Variants in NTM observed in about 807,000 individuals in gnomAD.
NTM encodes IgLON family member 2.
In NTM, 13 loss-of-function variants were observed where a neutral mutation model predicts 42.1. That is an observed-to-expected ratio of 0.31 (90% CI 0.20 to 0.49). The LOEUF (loss-of-function observed/expected upper bound fraction) is 0.49, where lower values mean the gene tolerates loss of function less well. Among genes scored for constraint, NTM ranks in the 20% least tolerant of loss-of-function variants. NTM has a pLI of 0.99. For synonymous variants in NTM, 187 were observed against 179.2 expected, an observed-to-expected ratio of 1.04 and a Z score of -0.35; for missense variants, 373 against 452.8, an observed-to-expected ratio of 0.82 and a Z score of 1.60.
chr11:131,989,916 G>A (rs960809982), intron 2 of NTM, among the ~76,000 whole-genome samples: 52 of 152,070 alleles, frequency 3.4e-4, no homozygotes, highest in African/African-American at 1.2e-3. Flanking sequence ...ATTGGCTCAA[G>A]CAAATCAAAT....
chr11:131,407,623 T>C (rs959889061), intron 1 of NTM, among the ~76,000 whole-genome samples: 3 of 152,224 alleles, frequency 2.0e-5, no homozygotes, highest in Non-Finnish European at 4.4e-5. Flanking sequence ...CCTTGCACTC[T>C]ATTTGGGCTT....
chr11:131,673,960 T>A (rs1048022270), intron 1 of NTM, among the ~76,000 whole-genome samples: 3 of 152,212 alleles, frequency 2.0e-5, no homozygotes, highest in African/African-American at 7.2e-5. Flanking sequence ...GGTAGGGAGA[T>A]GATGGCAACT....
intron 4 of NTM, among the ~76,000 whole-genome samples, chr11:132,220,257 C>T (rs1170205484): frequency 6.6e-6 from 1 of 152,126 alleles, no homozygotes; most frequent in Non-Finnish European, 1.5e-5. Flanking sequence ...TCCAGGAACT[C>T]CTTACATAAG....
chr11:131,376,379 C>T (rs1941976712), intron 1 of NTM, among the ~76,000 whole-genome samples: 2 of 152,284 alleles, frequency 1.3e-5, no homozygotes, highest in African/African-American at 4.8e-5. Context: ...CCTCCTTTCT[C>T]TTCTCCTTTT....
intron 1 of NTM, among the ~76,000 whole-genome samples, chr11:131,890,797 T>TG (rs2051204987): frequency 6.6e-6 from 1 of 152,202 alleles, no homozygotes; most frequent in African/African-American, 2.4e-5. Context: ...TGGTTATCTC[T>TG]GGGATGAGGT....
chr11:132,276,671 C>T (rs1312083815), intron 4 of NTM, among the ~76,000 whole-genome samples: 1 of 152,134 alleles, frequency 6.6e-6, no homozygotes, highest in East Asian at 1.9e-4. Flanking sequence ...AAATGGGATT[C>T]CTTAGACAGC....
intron 1 of NTM, among the ~76,000 whole-genome samples, chr11:131,474,254 A>C (rs1952711334): frequency 6.6e-6 from 1 of 151,670 alleles, no homozygotes; most frequent in African/African-American, 2.4e-5. Context: ...CAGTTAACCC[A>C]CCTCCTCCAT....
chr11:132,128,937 C>CAAAAA (rs66598841), intron 2 of NTM, among the ~76,000 whole-genome samples: 9 of 66,072 alleles, frequency 1.4e-4, no homozygotes, highest in East Asian at 6.4e-4. Context: ...GACACCATCT[C>CAAAAA]AAAAAAAAAA....
rs34930353 is a variant in NTM at position 131,569,146 on chromosome 11, ATTTT to A, written c.82+198270_82+198273del. 5.8e-5 allele frequency among the ~76,000 whole-genome samples: 8 copies of A among 137,386 alleles called. No homozygotes were observed. In the Admixed American group the frequency reaches 5.9e-4, roughly 10 times the overall value. 90.1% of individuals were successfully genotyped at this position (137,386 alleles called of 152,430 possible). A position where few individuals can be genotyped will look rare whatever the true frequency, so the allele number is the denominator to read the frequency against. On this transcript the variant is annotated intron_variant, in intron 1 of 8. Coordinates refer to ENST00000683400, the MANE Select transcript of NTM (RefSeq NM_001352005.2). ...TATTGCTGTTTTTGTTTTCGTTTTC[ATTTT>A]TTTTTTTTTTTGAGACAGAGTTTCG...
At chr11:131,995,184 T>C (rs2135178361) in intron 2 of NTM, among the ~76,000 whole-genome samples, 1 of 152,326 alleles carries the variant, frequency 6.6e-6, no homozygotes, top group East Asian at 1.9e-4. Context: ...GGTTATGATC[T>C]AAGCACTTAG....
chr11:132,128,627 A>T (rs903407930), intron 2 of NTM, among the ~76,000 whole-genome samples: 2 of 152,002 alleles, frequency 1.3e-5, no homozygotes, highest in Non-Finnish European at 2.9e-5. Context: ...CAAGAGGCTG[A>T]TAAGGGGCTG....
At chr11:132,036,831 CAT>C in intron 2 of NTM, among the ~76,000 whole-genome samples, 1 of 152,236 alleles carries the variant, frequency 6.6e-6, no homozygotes, top group Admixed American at 6.5e-5. Context: ...AGATGTCTAA[CAT>C]AGGTGGATTC....
Position 132,023,554 on chromosome 11 carries a change from C to T in NTM, c.167+111906C>T, listed in dbSNP as rs1235797875. Among the ~76,000 whole-genome samples the T allele has an allele frequency of 3.9e-5, 6 of 152,234 alleles. No individual in the cohort carries two copies. In the East Asian group the frequency reaches 5.8e-4, roughly 15 times the overall value. The stretch of plus-strand genomic sequence containing the variant: ...TCCTGGTTGTTTTGGAGTTTGCGCC[C>T]GCTCCAGTGTCTAGCTCTCTTTGCA... On this transcript the variant is annotated intron_variant, in intron 2 of 8. Transcript: ENST00000683400.
At chr11:131,772,635 A>G (rs141109407) in intron 1 of NTM, among the ~76,000 whole-genome samples, 307 of 152,294 alleles carry the variant, frequency 2.0e-3, no homozygotes, top group Admixed American at 5.5e-3. Context: ...AAGTCTCTAG[A>G]TGAAGATGTG....
chr11:131,462,919 C>G (rs1313248388), intron 1 of NTM, among the ~76,000 whole-genome samples: 3 of 151,660 alleles, frequency 2.0e-5, no homozygotes, highest in Non-Finnish European at 2.9e-5. Context: ...AAAGGCTAAC[C>G]TGGAACTAGG....
At chr11:131,664,246 T>C (rs532417728) in intron 1 of NTM, among the ~76,000 whole-genome samples, 1 of 152,366 alleles carries the variant, frequency 6.6e-6, no homozygotes, top group Non-Finnish European at 1.5e-5. Context: ...CCTCTCAACA[T>C]GGGACAGAAG....
At chr11:131,393,888 T>C (rs900827531) in intron 1 of NTM, among the ~76,000 whole-genome samples, 10 of 152,216 alleles carry the variant, frequency 6.6e-5, no homozygotes, top group African/African-American at 1.9e-4. Context: ...CTTCAGCCTA[T>C]TAAGCAAACA....
chr11:132,079,038 C>T (rs563421005), intron 2 of NTM, among the ~76,000 whole-genome samples: 2 of 152,308 alleles, frequency 1.3e-5, no homozygotes, highest in Non-Finnish European at 2.9e-5. Context: ...GACCCAGTGG[C>T]TGGAGCAATG....
chr11:131,888,323 T>A (rs1175696990), intron 1 of NTM, among the ~76,000 whole-genome samples: 1 of 151,982 alleles, frequency 6.6e-6, no homozygotes, highest in Non-Finnish European at 1.5e-5. Context: ...AAAGAATGAA[T>A]GAGACCATGG....
Sources: gnomAD v4.1 joint callset for allele counts (sites outside exome capture counted in the v4.1 genomes callset) on GRCh38, gnomAD v4.1.1 for gene constraint, MANE v1.5 for transcripts, NCBI Gene and HGNC (gene_info 2026-07-23, HGNC 2026-07-21) for gene names.